Variants in TMEM132C observed in about 807,000 individuals in gnomAD.
The protein encoded by TMEM132C is protein phosphatase 1, regulatory subunit 152.
In TMEM132C, 29 loss-of-function variants were observed where a neutral mutation model predicts 61.4. The observed-to-expected ratio is 0.47, with a 90% confidence interval of 0.35 to 0.64. The LOEUF is 0.64. Among genes scored for constraint, TMEM132C ranks in the 30% least tolerant of loss-of-function variants. TMEM132C has a pLI of 0.00. For missense variants in TMEM132C, 1,408 were observed against 1,476.9 expected (o/e 0.95, Z 0.76); for synonymous variants, 656 against 633.1 (o/e 1.04, Z -0.54).
intron 7 of TMEM132C, among the ~76,000 whole-genome samples, chr12:128,697,013 A>G (rs1013876310): frequency 6.6e-6 from 1 of 152,190 alleles, no homozygotes; most frequent in African/African-American, 2.4e-5. Context: ...ATTTTTTAAC[A>G]GGTAGAATTA....
chr12:128,472,299 G>A (rs1051915456), intron 2 of TMEM132C, among the ~76,000 whole-genome samples: 2 of 152,202 alleles, frequency 1.3e-5, no homozygotes, highest in Non-Finnish European at 2.9e-5. Context: ...TAAACAAGCA[G>A]TATAATCTCC....
chr12:128,578,073 A>T (rs1411579149), intron 3 of TMEM132C, among the ~76,000 whole-genome samples: 1 of 152,212 alleles, frequency 6.6e-6, no homozygotes, highest in East Asian at 1.9e-4. Context: ...GTATGAAAAA[A>T]CTGTATCATT....
chr12:128,397,109 C>A (rs966979117), intron 1 of TMEM132C, among the ~76,000 whole-genome samples: 1 of 152,212 alleles, frequency 6.6e-6, no homozygotes, highest in African/African-American at 2.4e-5. Flanking sequence ...AGCTACTCCC[C>A]ACAGCCTCAC....
intron 5 of TMEM132C, 52 bp downstream of exon 5, chr12:128,669,612 C>T: frequency 6.5e-7 from 1 of 1,538,870 alleles, no homozygotes; most frequent in Non-Finnish European, 8.8e-7. Context: ...TTCACTTGGA[C>T]ATCCCGTTTG....
intron 2 of TMEM132C, among the ~76,000 whole-genome samples, chr12:128,495,112 T>C (rs1367768456): frequency 6.7e-6 from 1 of 149,990 alleles, no homozygotes; most frequent in Non-Finnish European, 1.5e-5. Flanking sequence ...CCAGTAGTCA[T>C]TCAGGAGCAG....
At chr12:128,288,015 T>C (rs1050601207) in intron 1 of TMEM132C, 1 of 152,118 alleles carries the variant, frequency 6.6e-6, no homozygotes, top group Admixed American at 6.5e-5. Context: ...AGTCTTAATA[T>C]CACTGTTGTC....
intron 1 of TMEM132C, among the ~76,000 whole-genome samples, chr12:128,338,232 A>G (rs1872843979): frequency 6.6e-6 from 1 of 152,194 alleles, no homozygotes; most frequent in Non-Finnish European, 1.5e-5. Context: ...TGCACACAGC[A>G]TCTTTTAGAT....
At position 128,527,191 on chromosome 12, in the gene TMEM132C, C is replaced by T. The variant is rs150223038; in HGVS notation, c.975-16766C>T. Among the ~76,000 whole-genome samples, 423 of 152,236 alleles carry T rather than the reference C, an allele frequency of 2.8e-3. 3 individuals carry two copies. Among genetic ancestry groups the T allele is most frequent in the African/African-American group, 9.7e-3 (404 of 41,542 alleles). Reference sequence around the variant, plus strand: ...AGCAACCATGGATGGTCGCTGTGTCCAGAATTGCACCCCAACATGACAAGA... The same window carrying T: ...AGCAACCATGGATGGTCGCTGTGTCTAGAATTGCACCCCAACATGACAAGA... On this transcript the variant is annotated intron_variant, in intron 2 of 8. Coordinates refer to ENST00000435159, the MANE Select transcript of TMEM132C (RefSeq NM_001136103.3).
At chr12:128,492,067 T>C (rs571820735) in intron 2 of TMEM132C, among the ~76,000 whole-genome samples, 1 of 152,156 alleles carries the variant, frequency 6.6e-6, no homozygotes, top group Non-Finnish European at 1.5e-5. Context: ...ATTCTCATGG[T>C]TCAATTCCCA....
intron 1 of TMEM132C, among the ~76,000 whole-genome samples, chr12:128,300,836 A>T (rs1445154732): frequency 6.6e-6 from 1 of 152,178 alleles, no homozygotes; most frequent in African/African-American, 2.4e-5. Context: ...TAGGAGCCTC[A>T]ACACCAGCCT....
At chr12:128,578,262 T>A (rs75449395) in intron 3 of TMEM132C, among the ~76,000 whole-genome samples, 2 of 152,268 alleles carry the variant, frequency 1.3e-5, no homozygotes, top group East Asian at 3.9e-4. Flanking sequence ...GCATTTGAAA[T>A]TAGAATATAG....
intron 1 of TMEM132C, among the ~76,000 whole-genome samples, chr12:128,386,483 A>G (rs1199682336): frequency 6.6e-6 from 1 of 152,096 alleles, no homozygotes; most frequent in Non-Finnish European, 1.5e-5. Context: ...TCCTTCCACA[A>G]ACCCAGACCC....
intron 3 of TMEM132C, among the ~76,000 whole-genome samples, chr12:128,610,344 A>G (rs1484014343): frequency 6.6e-6 from 1 of 152,196 alleles, no homozygotes; most frequent in Non-Finnish European, 1.5e-5. Flanking sequence ...AGGGAGGTAA[A>G]GCCCTTTTGG....
At chr12:128,637,980 C>T (rs1954116287) in intron 4 of TMEM132C, among the ~76,000 whole-genome samples, 2 of 152,194 alleles carry the variant, frequency 1.3e-5, no homozygotes, top group African/African-American at 4.8e-5. Context: ...ATTATTTATG[C>T]ATAGAGAGAC....
intron 4 of TMEM132C, among the ~76,000 whole-genome samples, chr12:128,617,603 G>A (rs1876853045): frequency 6.6e-6 from 1 of 152,062 alleles, no homozygotes; most frequent in Non-Finnish European, 1.5e-5. Context: ...TGGGGCAGAT[G>A]CAGAGTCAGG....
At chr12:128,548,330 C>T (rs1874035844) in intron 3 of TMEM132C, among the ~76,000 whole-genome samples, 1 of 152,158 alleles carries the variant, frequency 6.6e-6, no homozygotes, top group South Asian at 2.1e-4. Context: ...ACTTGGTTGA[C>T]CTGTGTTTTT....
At chr12:128,588,518 C>CT (rs1050561018) in intron 3 of TMEM132C, among the ~76,000 whole-genome samples, 97 of 152,260 alleles carry the variant, frequency 6.4e-4, no homozygotes, top group African/African-American at 2.2e-3. Context: ...TAGTTGGAGT[C>CT]TTTTAGTTGG....
At chr12:128,512,053 C>A (rs746263767) in intron 2 of TMEM132C, among the ~76,000 whole-genome samples, 2 of 152,150 alleles carry the variant, frequency 1.3e-5, no homozygotes, top group South Asian at 2.1e-4. Context: ...CCGCCCCTGT[C>A]GGCCACAGGC....
intron 2 of TMEM132C, among the ~76,000 whole-genome samples, chr12:128,443,936 T>G (rs1869882677): frequency 6.6e-6 from 1 of 152,204 alleles, no homozygotes; most frequent in Non-Finnish European, 1.5e-5. Context: ...TCACCTTTTT[T>G]TGTAAAGCTG....
Sources: gnomAD v4.1 joint callset for allele counts (sites outside exome capture counted in the v4.1 genomes callset) on GRCh38, gnomAD v4.1.1 for gene constraint, MANE v1.5 for transcripts, NCBI Gene and HGNC (gene_info 2026-07-23, HGNC 2026-07-21) for gene names.